AVIL: variants seen among roughly 807,000 people sequenced by gnomAD.
The protein encoded by AVIL is advillin.
In AVIL, 78 loss-of-function variants were observed where a neutral mutation model predicts 109.9. The ratio of observed to expected loss-of-function variants is 0.71; its 90% CI spans 0.59 to 0.86. The LOEUF is 0.86. Ranked by LOEUF, AVIL falls within the 40% of genes least tolerant of loss-of-function variation. AVIL has a pLI of 0.00. For synonymous variants in AVIL, 367 were observed against 379.1 expected (o/e 0.97, Z 0.37); for missense variants, 892 against 1,016.5 (o/e 0.88, Z 1.67).
At chr12:57,815,561 C>T (rs1283317121) in intron 2 of AVIL, 9 of 1,234,324 alleles carry the variant, frequency 7.3e-6, no homozygotes, top group Non-Finnish European at 7.2e-6. Context: ...CTCCTCATCT[C>T]TGCAGTGCCC....
chr12:57,797,954 G>GCAAA lies in AVIL; in HGVS notation c.2387_2388insTTTG (p.Thr797LeufsTer62). On this transcript the variant is annotated frameshift_variant, in exon 20 of 20. Coordinates refer to ENST00000549994, the MANE Select transcript of AVIL (RefSeq NM_006576.4). LOFTEE classifies it high-confidence loss of function. Reference sequence around the variant, plus strand: ...GCAGAGCTGCAAATTGCCCTCTTGTGATGCCAAACACAGACACAAAGTCCT... The same window carrying GCAAA: ...GCAGAGCTGCAAATTGCCCTCTTGTGCAAAATGCCAAACACAGACACAAAGTCCT... 1 of 1,613,210 alleles carries GCAAA rather than the reference G, an allele frequency of 6.2e-7. No homozygotes were observed. Among genetic ancestry groups the GCAAA allele is most frequent in the Non-Finnish European group, 8.5e-7 (1 of 1,179,512 alleles).
intron 1 of AVIL, among the ~76,000 whole-genome samples, chr12:57,816,918 G>A (rs1252437562): frequency 6.6e-6 from 1 of 151,912 alleles, no homozygotes; most frequent in African/African-American, 2.4e-5. Flanking sequence ...ACAGACCCAA[G>A]CTTCTGTGTG....
At chr12:57,803,867 A>G in intron 14 of AVIL, 198 bp from the exon 15 acceptor site, 2 of 635,028 alleles carry the variant, frequency 3.1e-6, no homozygotes, top group Non-Finnish European at 4.9e-6. Context: ...GAACAGGACT[A>G]GGCTTTGAAA....
chr12:57,809,014 T>A (rs1303019165), intron 9 of AVIL: 1 of 168,794 alleles, frequency 5.9e-6, no homozygotes, highest in East Asian at 1.7e-4. Flanking sequence ...AGTGCTTTTT[T>A]TTTTTTTAGA....
At chr12:57,808,044 A>G in intron 11 of AVIL, 150 bp downstream of exon 11, 1 of 928,488 alleles carries the variant, frequency 1.1e-6, no homozygotes, top group Non-Finnish European at 1.7e-6. Flanking sequence ...AAAACTCTAC[A>G]GACTCACAAG....
At chr12:57,808,688 T>C (rs1337834794) in intron 9 of AVIL, 140 bp from the exon 10 acceptor site, 28 of 1,049,464 alleles carry the variant, frequency 2.7e-5, no homozygotes, top group Non-Finnish European at 3.3e-5. Flanking sequence ...TAACTCACTT[T>C]TGTCTAAGGA....
chr12:57,806,133 C>CTCTTTT (rs1955941006), intron 14 of AVIL: 1 of 138,420 alleles, frequency 7.2e-6, no homozygotes, highest in Non-Finnish European at 1.3e-5. Context: ...CCGTGCCCAG[C>CTCTTTT]TTTTTTTTTT....
At chr12:57,811,584 A>C (rs1357346727) in intron 4 of AVIL, among the ~76,000 whole-genome samples, 1 of 152,172 alleles carries the variant, frequency 6.6e-6, no homozygotes, top group Non-Finnish European at 1.5e-5. Context: ...CCCGCCCTGC[A>C]CTCAGCCCAG....
At position 57,802,213 on chromosome 12, in the gene AVIL, C is replaced by G; in HGVS notation, c.2098G>C (p.Glu700Gln). 1 of 1,614,088 alleles carries G rather than the reference C, an allele frequency of 6.2e-7. No homozygotes were observed. Among genetic ancestry groups the G allele is most frequent in the Non-Finnish European group, 8.5e-7 (1 of 1,179,940 alleles). ...AACCAGCCTGTGAAGATGGGAGGCTCAAACCCCTGCTTAATGATCAGGATT... is the reference window on the plus strand; with the variant it reads ...AACCAGCCTGTGAAGATGGGAGGCTGAAACCCCTGCTTAATGATCAGGATT... ...TPILIIKQGF[E>Q]PPIFTGWFLA... is the part of the protein sequence containing the mutation. Residue 700 changes from glutamate to glutamine, a missense_variant, in exon 17 of 20, where the codon GAG (glutamate) becomes CAG (glutamine). Glu to Gln is a conservative substitution (Grantham distance 29). Coordinates refer to ENST00000549994, the MANE Select transcript of AVIL (RefSeq NM_006576.4).
At chr12:57,814,044 G>A (rs770598628) in intron 3 of AVIL, 108 bp downstream of exon 3, 25 of 1,182,120 alleles carry the variant, frequency 2.1e-5, no homozygotes, top group African/African-American at 6.1e-5. Context: ...GAACCATTGA[G>A]ACCGATACCA....
At chr12:57,805,772 T>C (rs1427776330) in intron 14 of AVIL, 1 of 151,786 alleles carries the variant, frequency 6.6e-6, no homozygotes, top group Non-Finnish European at 1.5e-5. Context: ...CCTGACCTTG[T>C]GATCCTCCTG....
intron 19 of AVIL, among the ~76,000 whole-genome samples, chr12:57,798,543 TTG>T (rs1358958739): frequency 6.6e-6 from 1 of 152,142 alleles, no homozygotes; most frequent in Non-Finnish European, 1.5e-5. Context: ...AGATAAGACA[TTG>T]TGGGAAATCC....
Position 57,803,574 on chromosome 12 carries a change from G to T in AVIL, c.1767C>A (p.Ala589=). ...ENTVAEGQEP[A]EFWDLLGGKT... is the part of the protein sequence containing the mutation. ...TCCCTCCCAGTAGGTCCCAGAACTC[G>T]GCTGGCTCCTGGCCCTCGGCCACAG... The change falls in exon 15 of 20, where the codon GCC becomes GCA. Residue 589 remains alanine (A), a synonymous_variant. Coordinates refer to ENST00000549994, the MANE Select transcript of AVIL (RefSeq NM_006576.4). The T allele has an allele frequency of 1.2e-6, 2 of 1,614,148 alleles. No homozygotes were observed. The highest frequency in any genetic ancestry group is 1.7e-6 in the Non-Finnish European group (2 of 1,180,020).
At chr12:57,804,496 G>C (rs941872862) in intron 14 of AVIL, 3 of 152,158 alleles carry the variant, frequency 2.0e-5, no homozygotes, top group African/African-American at 7.2e-5. Context: ...TGGATCATAC[G>C]GTAAGTGTAT....
Position 57,801,220 on chromosome 12 carries a change from GAA to G in AVIL, c.2152-10_2152-9del. The G allele has an allele frequency of 1.9e-6, 3 of 1,611,870 alleles. No individual in the cohort carries two copies. In the South Asian group the frequency reaches 3.3e-5, roughly 18 times the overall value. ...TTCATATGTTTTTCCTGCCTGAGAAGAAGAGAGAGAAAACACAGGATGAGGTC... is the reference window on the plus strand; with the variant it reads ...TTCATATGTTTTTCCTGCCTGAGAAGGAGAGAGAAAACACAGGATGAGGTC... On this transcript the variant is annotated splice_polypyrimidine_tract_variant and intron_variant, in intron 17 of 19. Transcript: ENST00000549994.
chr12:57,809,480 C>CGT, intron 9 of AVIL, 117 bp downstream of exon 9: 1 of 1,190,412 alleles, frequency 8.4e-7, no homozygotes, highest in Non-Finnish European at 1.2e-6. Context: ...CTTTGCAGTC[C>CGT]ATGTACGTAA....
In AVIL at chr12:57,814,213, G is replaced by A. The variant is rs183869010; in HGVS notation, c.80C>T (p.Ala27Val). 36 of 1,612,662 alleles carry A rather than the reference G, an allele frequency of 2.2e-5. No individual in the cohort carries two copies. Among genetic ancestry groups the A allele is most frequent in the Admixed American group, 1.3e-4 (8 of 59,918 alleles). The change falls in exon 3 of 20, where the codon GCG becomes GTG. Residue 27 changes from alanine (A) to valine (V), a missense_variant. Ala to Val is a moderately conservative substitution (Grantham distance 64). Coordinates refer to ENST00000549994, the MANE Select transcript of AVIL (RefSeq NM_006576.4). Reference protein sequence around the residue: ...IVWRIEKMELALVPVSAHGNF... With the variant: ...IVWRIEKMELVLVPVSAHGNF... ...GCCGTGGGCGCTCACAGGCACCAGC[G>A]CCAGCTCCATTTTCTGGAAGGACAA...
At position 57,797,920 on chromosome 12, in the gene AVIL, TC is replaced by T. The variant is rs1955768504; in HGVS notation, c.2421del (p.Trp807Ter). ...TRGQFAALPGWKQLQMKKEKG... is the reference protein window; with the variant it reads ...TRGQFAALPGXKQLQMKKEKG... ...TTTTCTTTCTTCATTTGGAGCTGTT[TC>T]CAGCCAGGCAGAGCTGCAAATTGCC... On this transcript the variant is annotated frameshift_variant, in exon 20 of 20. Coordinates refer to ENST00000549994, the MANE Select transcript of AVIL (RefSeq NM_006576.4). LOFTEE classifies it high-confidence loss of function. 1 of 1,612,444 alleles carries T rather than the reference TC, an allele frequency of 6.2e-7. No individual in the cohort carries two copies. Among genetic ancestry groups the T allele is most frequent in the South Asian group, 1.1e-5 (1 of 90,846 alleles).
At position 57,810,566 on chromosome 12, in the gene AVIL, C is replaced by T; in HGVS notation, c.559-15G>A. On this transcript the variant is annotated splice_polypyrimidine_tract_variant and intron_variant, in intron 6 of 19. Coordinates refer to ENST00000549994, the MANE Select transcript of AVIL (RefSeq NM_006576.4). ...AGAAGCATAGCCTGTCAAAGAAGCC[C>T]AAGGAAGCCCTCAGCTCCTCTGGGA... 1 of 1,612,316 alleles carries T rather than the reference C, an allele frequency of 6.2e-7. No individual in the cohort carries two copies. The highest frequency in any genetic ancestry group is 1.3e-5 in the African/African-American group (1 of 74,996).
Sources: allele counts gnomAD v4.1 joint callset (sites outside exome capture counted in the v4.1 genomes callset), GRCh38; gene constraint gnomAD v4.1.1; transcripts MANE v1.5; gene names NCBI Gene and HGNC (gene_info 2026-07-23, HGNC 2026-07-21).